SLC45A1: variants seen among roughly 807,000 people sequenced by gnomAD.
The protein encoded by SLC45A1 is proton-associated sugar transporter A.
In SLC45A1, 28 loss-of-function variants were observed where a neutral mutation model predicts 57.6. The ratio of observed to expected loss-of-function variants is 0.49; its 90% CI spans 0.36 to 0.67. SLC45A1 has a LOEUF of 0.67. Among genes scored for constraint, SLC45A1 ranks in the 30% least tolerant of loss-of-function variants. SLC45A1 has a pLI of 0.00. For missense variants in SLC45A1, 814 were observed against 1,041.5 expected (o/e 0.78, Z 3.01); for synonymous variants, 459 against 471.5 (o/e 0.97, Z 0.34).
intron 2 of SLC45A1, 89 bp downstream of exon 2, chr1:8,324,815 G>A (rs1640147401): frequency 1.6e-6 from 2 of 1,288,840 alleles, no homozygotes; most frequent in Non-Finnish European, 2.1e-6. Flanking sequence ...GAGGGGAGAA[G>A]GGAGGATCAA....
intron 7 of SLC45A1, among the ~76,000 whole-genome samples, chr1:8,339,097 G>A (rs1002192149): frequency 6.6e-6 from 1 of 152,220 alleles, no homozygotes; most frequent in Non-Finnish European, 1.5e-5. Context: ...GATGGTGGCT[G>A]GCTACGGGAT....
rs1170028993 is a variant in SLC45A1, at chr1:8,326,832, T to C, written c.715+790T>C. 1.3e-5 allele frequency among the ~76,000 whole-genome samples: 2 copies of C among 152,048 alleles called. No individual in the cohort carries two copies. Among genetic ancestry groups the C allele is most frequent in the Non-Finnish European group, 2.9e-5 (2 of 67,996 alleles). On this transcript the variant is annotated intron_variant, in intron 4 of 8. Coordinates refer to ENST00000471889, the MANE Select transcript of SLC45A1 (RefSeq NM_001080397.3). The surrounding 1 kb of genome is among the most constrained non-coding windows in gnomAD (Gnocchi z 5.5). ...CATCTCTACTAAAAATACAAAAAAT[T>C]AGCTGGGCGTGGTGGCACATGCCTG...
chr1:8,320,300 T>C (rs1177660520), intron 1 of SLC45A1, among the ~76,000 whole-genome samples: 2 of 151,996 alleles, frequency 1.3e-5, no homozygotes, highest in Admixed American at 6.6e-5. Context: ...AAGTGGGCCG[T>C]CTACATAGTC....
At chr1:8,332,955 C>T (rs897256170) in intron 5 of SLC45A1, among the ~76,000 whole-genome samples, 6 of 152,202 alleles carry the variant, frequency 3.9e-5, no homozygotes, top group African/African-American at 1.2e-4. Context: ...AGCCGAGTCT[C>T]GTTTGCCTCA....
Position 8,343,762 on chromosome 1 carries a change from G to T in SLC45A1, c.1996G>T (p.Ala666Ser). 6.2e-7 allele frequency: 1 copy of T among 1,613,382 alleles called. No homozygotes were observed. Among genetic ancestry groups the T allele is most frequent in the Non-Finnish European group, 8.5e-7 (1 of 1,179,522 alleles). The change falls in exon 9 of 9, where the codon GCG becomes TCG. Residue 666 changes from alanine to serine, a missense_variant. Transcript: ENST00000471889. The surrounding 1 kb of genome is among the most constrained non-coding windows in gnomAD (Gnocchi z 7.7). ...TCTGGGTCAGTTTGCAGGGTCCAGT[G>T]CGGACGGCACCCGGCGGGGCATGGG... ...YQSKKFAGSS[A>S]DGTRRGMGVD...
chr1:8,331,081 G>C (rs115929080), intron 5 of SLC45A1, 145 bp downstream of exon 5: 141 of 1,123,922 alleles, frequency 1.3e-4, no homozygotes, highest in Non-Finnish European at 1.7e-4. Context: ...GACCTAAAGA[G>C]AAAAGCCTTA....
At position 8,326,776 on chromosome 1, in the gene SLC45A1, C is replaced by T. The variant is rs1243523328; in HGVS notation, c.715+734C>T. 6.6e-6 allele frequency among the ~76,000 whole-genome samples: 1 copy of T among 152,044 alleles called. No individual in the cohort carries two copies. Among genetic ancestry groups the T allele is most frequent in the Non-Finnish European group, 1.5e-5 (1 of 68,016 alleles). ...GGTGGATCACCTGAGGTCGGGAGTT[C>T]GAGACCAGCCTGACCAACATGGAGA... On this transcript the variant is annotated intron_variant, in intron 4 of 8. Transcript: ENST00000471889. The surrounding 1 kb of genome is among the most constrained non-coding windows in gnomAD (Gnocchi z 5.5).
Position 8,343,652 on chromosome 1 carries a change from C to G in SLC45A1, c.1981-95C>G. The G allele has an allele frequency of 7.0e-7, 1 of 1,424,476 alleles. No homozygotes were observed. The allele number at this position is 1,424,476 out of a possible 1,614,324, so 88.2% of individuals were successfully genotyped here. On this transcript the variant is annotated intron_variant, in intron 8 of 8. Coordinates refer to ENST00000471889, the MANE Select transcript of SLC45A1 (RefSeq NM_001080397.3). The surrounding 1 kb of genome is among the most constrained non-coding windows in gnomAD (Gnocchi z 7.7). ...AAATGTGAGGCCGCTGTGTGTGGGC[C>G]GCTCGGGCCTCCTGGGCTCGCAGGA...
At position 8,326,600 on chromosome 1, in the gene SLC45A1, A is replaced by C. The variant is rs1640210647; in HGVS notation, c.715+558A>C. 6.6e-6 allele frequency among the ~76,000 whole-genome samples: 1 copy of C among 152,224 alleles called. No homozygotes were observed. On this transcript the variant is annotated intron_variant, in intron 4 of 8. Transcript: ENST00000471889. This position sits in a 1 kb window ranked among gnomAD's most constrained non-coding sequence, Gnocchi z 5.5. ...GCTTTCTTGCACCTGGAAACGTCAG[A>C]CAGCTTGGGGGCCATTTAAACAGTG...
chr1:8,337,790 G>T (rs573594039), intron 6 of SLC45A1, 26 bp from the exon 7 acceptor site: 2 of 1,607,570 alleles, frequency 1.2e-6, no homozygotes, highest in Admixed American at 3.4e-5. Context: ...TGCCCCCGAG[G>T]TCATGAACCT....
At chr1:8,332,119 C>A (rs1437905621) in intron 5 of SLC45A1, among the ~76,000 whole-genome samples, 1 of 152,206 alleles carries the variant, frequency 6.6e-6, no homozygotes, top group East Asian at 1.9e-4. Context: ...CTTACGTTTG[C>A]CCAAATGTAA....
Position 8,339,625 on chromosome 1 carries a change from C to A in SLC45A1, c.1907C>A (p.Thr636Asn). ...TACGTGGTCCTGTCGCTCTGCATAACCTACGGGATTTTATTTTCCACCCTG... is the reference window on the plus strand; with the variant it reads ...TACGTGGTCCTGTCGCTCTGCATAAACTACGGGATTTTATTTTCCACCCTG... ...NLYVVLSLCI[T>N]YGILFSTLCT... Residue 636 changes from threonine (T) to asparagine (N), a missense_variant, in exon 8 of 9, where the codon ACC (threonine) becomes AAC (asparagine). By Grantham distance (65) the Thr-to-Asn change is moderately conservative. Coordinates refer to ENST00000471889, the MANE Select transcript of SLC45A1 (RefSeq NM_001080397.3). 6.2e-7 allele frequency: 1 copy of A among 1,614,280 alleles called. No homozygotes were observed. The highest frequency in any genetic ancestry group is 8.5e-7 in the Non-Finnish European group (1 of 1,180,052).
At chr1:8,322,034 AGTGG>A (rs1557557387) in intron 1 of SLC45A1, among the ~76,000 whole-genome samples, 1 of 7,304 alleles carries the variant, frequency 1.4e-4, no homozygotes. Flanking sequence ...TGGATGGGTG[AGTGG>A]GTGGGTGGGT....
chr1:8,339,084 A>G (rs548491436), intron 7 of SLC45A1, among the ~76,000 whole-genome samples: 1 of 152,276 alleles, frequency 6.6e-6, no homozygotes, highest in African/African-American at 2.4e-5. Context: ...TTGGGGGTGT[A>G]AAGATGGTGG....
At position 8,342,069 on chromosome 1, in the gene SLC45A1, T is replaced by C. The variant is rs1409001304; in HGVS notation, c.1981-1678T>C. Among the ~76,000 whole-genome samples, 8 of 151,778 alleles carry C rather than the reference T, an allele frequency of 5.3e-5. 1 individual carries two copies. Among genetic ancestry groups the C allele is most frequent in the Admixed American group, 2.0e-4 (3 of 15,236 alleles). Reference sequence around the variant, plus strand: ...AAAAATACAAAAAATTAGCCGGGCGTGGTGGCGGGCGCCTGTAGTCCCAGC... The same window carrying C: ...AAAAATACAAAAAATTAGCCGGGCGCGGTGGCGGGCGCCTGTAGTCCCAGC... On this transcript the variant is annotated intron_variant, in intron 8 of 8. Coordinates refer to ENST00000471889, the MANE Select transcript of SLC45A1 (RefSeq NM_001080397.3).
chr1:8,343,706 C>A lies in SLC45A1; in HGVS notation c.1981-41C>A. ...ACCGAGCTCGGTCACCCCGTGCTGG[C>A]CGCGGCGTGTCTCGCTGACACGTTT... On this transcript the variant is annotated intron_variant, in intron 8 of 8. Transcript: ENST00000471889. The surrounding 1 kb of genome is among the most constrained non-coding windows in gnomAD (Gnocchi z 7.7). 2 of 1,578,614 alleles carry A rather than the reference C, an allele frequency of 1.3e-6. No individual in the cohort carries two copies. The highest frequency in any genetic ancestry group is 1.7e-6 in the Non-Finnish European group (2 of 1,158,160).
At chr1:8,323,490 CAAAAAAAAAA>C (rs34956825) in intron 1 of SLC45A1, among the ~76,000 whole-genome samples, 63 of 127,420 alleles carry the variant, frequency 4.9e-4, no homozygotes, top group Non-Finnish European at 4.5e-4. Context: ...GACTCTGTCT[CAAAAAAAAAA>C]AAAAAAAAAA....
In SLC45A1 at chr1:8,326,475, C is replaced by T. The variant is rs1640207289; in HGVS notation, c.715+433C>T. 2.0e-5 allele frequency among the ~76,000 whole-genome samples: 3 copies of T among 152,184 alleles called. 1 individual carries two copies. The South Asian group carries it at 6.2e-4, about 31-fold the overall frequency. ...TTTAAAACCCCTTATTTCATCTGTG[C>T]CTTTGGCTGATTAACATTGAATTGA... On this transcript the variant is annotated intron_variant, in intron 4 of 8. Coordinates refer to ENST00000471889, the MANE Select transcript of SLC45A1 (RefSeq NM_001080397.3). This position sits in a 1 kb window ranked among gnomAD's most constrained non-coding sequence, Gnocchi z 5.5.
rs1294324067 is a variant in SLC45A1 at position 8,325,536 on chromosome 1, C to T, written c.490+146C>T. The T allele has an allele frequency of 1.7e-5, 11 of 653,910 alleles. No individual in the cohort carries two copies. The highest frequency in any genetic ancestry group is 5.4e-5 in the East Asian group (2 of 36,846). The allele number at this position is 653,910 out of a possible 1,614,324, so 40.5% of individuals were successfully genotyped here. A position where few individuals can be genotyped will look rare whatever the true frequency, so the allele number is the denominator to read the frequency against. On this transcript the variant is annotated intron_variant, in intron 3 of 8. Transcript: ENST00000471889. The surrounding 1 kb of genome is among the most constrained non-coding windows in gnomAD (Gnocchi z 6.3). The stretch of plus-strand genomic sequence containing the variant: ...CACTGGTGTGAGGCAGGGAGTGCCC[C>T]GCAACCTGGCCTCAGTTAACTGTGA...
Sources: gnomAD v4.1 joint callset for allele counts (sites outside exome capture counted in the v4.1 genomes callset) on GRCh38, gnomAD v4.1.1 for gene constraint, Gnocchi (gnomAD v3.1) non-coding constraint, MANE v1.5 for transcripts, NCBI Gene and HGNC (gene_info 2026-07-23, HGNC 2026-07-21) for gene names.